The following SP4 variants were observed in gnomAD, a reference collection of about 807,000 sequenced individuals.
SP4 encodes Sp4 transcription factor, also known as transcription factor Sp4.
A neutral mutation model predicts 72.8 loss-of-function variants in SP4; 19 were observed. That is an observed-to-expected ratio of 0.26 (90% confidence interval 0.18 to 0.38). The LOEUF is 0.38. SP4 is among the 10% of genes least tolerant of loss of function. The probability of loss-of-function intolerance (pLI) is 1.00; values close to 1 mark genes in which losing one functional copy is unlikely to be tolerated. For synonymous variants in SP4, 395 were observed against 333.1 expected (o/e 1.19, Z -2.02); for missense variants, 1,008 against 926.3 (o/e 1.09, Z -1.14).
intron 3 of SP4, among the ~76,000 whole-genome samples, chr7:21,435,694 A>G (rs1372212394): frequency 2.0e-5 from 3 of 152,172 alleles, no homozygotes; most frequent in Non-Finnish European, 4.4e-5. Flanking sequence ...ACTGTTTGTT[A>G]TAGATTGGAA....
chr7:21,436,216 C>T (rs568481609), intron 3 of SP4, among the ~76,000 whole-genome samples: 2 of 152,086 alleles, frequency 1.3e-5, no homozygotes, highest in African/African-American at 4.8e-5. Flanking sequence ...GAGTTTTAAT[C>T]ATCTGCTTTT....
At chr7:21,482,243 A>G in intron 5 of SP4, 120 bp downstream of exon 5, 1 of 720,902 alleles carries the variant, frequency 1.4e-6, no homozygotes, top group Non-Finnish European at 2.3e-6. Context: ...CATTTACTTT[A>G]GCAATTATAT....
chr7:21,453,397 T>C (rs1159977761), intron 3 of SP4, among the ~76,000 whole-genome samples: 2 of 152,246 alleles, frequency 1.3e-5, no homozygotes, highest in Non-Finnish European at 2.9e-5. Flanking sequence ...ATAAAAAGTC[T>C]TAGGGCAGCC....
Position 21,429,758 on chromosome 7 carries a change from T to A in SP4, c.593T>A (p.Leu198His). 6.2e-7 allele frequency: 1 copy of A among 1,614,096 alleles called. No individual in the cohort carries two copies. Among genetic ancestry groups the A allele is most frequent in the Non-Finnish European group, 8.5e-7 (1 of 1,179,956 alleles). Residue 198 changes from leucine to histidine, a missense_variant, in exon 3 of 6, where the codon CTC (leucine) becomes CAC (histidine). Coordinates refer to ENST00000222584, the MANE Select transcript of SP4 (RefSeq NM_003112.5). Reference sequence around the variant, plus strand: ...CAGGATTTGCAGGGTCAAATTCAGCTCATTTCTGCAGGTAATAATCAAGCT... The same window carrying A: ...CAGGATTTGCAGGGTCAAATTCAGCACATTTCTGCAGGTAATAATCAAGCT... ...SLQDLQGQIQ[L>H]ISAGNNQAIL...
intron 3 of SP4, among the ~76,000 whole-genome samples, chr7:21,443,401 TAG>T (rs1783320360): frequency 6.6e-6 from 1 of 152,224 alleles, no homozygotes; most frequent in Non-Finnish European, 1.5e-5. Context: ...TATGTTTTGG[TAG>T]ACAGTTGAAG....
At chr7:21,493,435 A>T (rs1282279507) in intron 5 of SP4, among the ~76,000 whole-genome samples, 1 of 152,036 alleles carries the variant, frequency 6.6e-6, no homozygotes, top group Admixed American at 6.5e-5. Context: ...TTTTACTGGT[A>T]AAAAAAGAAA....
At chr7:21,472,264 A>T (rs1013716) in intron 3 of SP4, among the ~76,000 whole-genome samples, 117,230 of 151,974 alleles carry the variant, frequency 0.77, 46,213 homozygotes, top group African/African-American at 0.94. Context: ...TAGAGGGTGT[A>T]TTTTGTTTGA....
chr7:21,428,552 G>T, intron 1 of SP4, 125 bp from the exon 2 acceptor site: 1 of 1,026,818 alleles, frequency 9.7e-7, no homozygotes. Context: ...GCCGGTGTGC[G>T]TGGATCGCGG....
In SP4 at chr7:21,514,740, T is replaced by G. The variant is rs944355964; in HGVS notation, c.*3471T>G. On this transcript the variant is annotated 3_prime_UTR_variant, in exon 6 of 6. Coordinates refer to ENST00000222584, the MANE Select transcript of SP4 (RefSeq NM_003112.5). The stretch of plus-strand genomic sequence containing the variant: ...TGCAATAACAATTGCAAGTAACCTA[T>G]TAAAAATTCCCTTGAGTTTAACATG... 1 of 152,298 alleles carries G rather than the reference T, an allele frequency of 6.6e-6. No homozygotes were observed. Among genetic ancestry groups the G allele is most frequent in the Non-Finnish European group, 1.5e-5 (1 of 68,020 alleles). 9.4% of individuals were successfully genotyped at this position (152,298 alleles called of 1,614,324 possible).
At chr7:21,458,689 T>C (rs369218878) in intron 3 of SP4, among the ~76,000 whole-genome samples, 132 of 152,228 alleles carry the variant, frequency 8.7e-4, no homozygotes, top group Middle Eastern at 3.4e-3. Context: ...TTCACCTTAA[T>C]TGGAGGTGAA....
At chr7:21,489,409 C>A (rs992907117) in intron 5 of SP4, among the ~76,000 whole-genome samples, 1 of 152,054 alleles carries the variant, frequency 6.6e-6, no homozygotes, top group African/African-American at 2.4e-5. Flanking sequence ...CAGCCTTGAC[C>A]TCCTGGGCTC....
In SP4 at chr7:21,512,263, C is replaced by T. The variant is rs2128418272; in HGVS notation, c.*994C>T. On this transcript the variant is annotated 3_prime_UTR_variant, in exon 6 of 6. Transcript: ENST00000222584. ...CCAAAGAAAGAATTACACTTTTTTC[C>T]AAGGCCAGCAGAAAATTCTCTTTTA... 6.6e-6 allele frequency: 1 copy of T among 152,502 alleles called. No homozygotes were observed. Among genetic ancestry groups the T allele is most frequent in the East Asian group, 1.9e-4 (1 of 5,178 alleles). 9.4% of individuals were successfully genotyped at this position (152,502 alleles called of 1,614,324 possible).
At chr7:21,474,864 G>A (rs1359755205) in intron 3 of SP4, among the ~76,000 whole-genome samples, 2 of 152,200 alleles carry the variant, frequency 1.3e-5, no homozygotes, top group Non-Finnish European at 2.9e-5. Flanking sequence ...TACTAAAACA[G>A]TGACAAAATA....
At chr7:21,438,219 A>C (rs933115169) in intron 3 of SP4, among the ~76,000 whole-genome samples, 6 of 152,178 alleles carry the variant, frequency 3.9e-5, no homozygotes, top group Non-Finnish European at 8.8e-5. Flanking sequence ...TGCTTAAACT[A>C]TAAACTCTGA....
intron 3 of SP4, among the ~76,000 whole-genome samples, chr7:21,442,979 A>G (rs934162187): frequency 1.3e-5 from 2 of 152,192 alleles, no homozygotes; most frequent in Admixed American, 1.3e-4. Context: ...CAGGTGATCC[A>G]CCCACCTTGG....
intron 3 of SP4, among the ~76,000 whole-genome samples, chr7:21,466,425 C>CTAT (rs534058524): frequency 1.9e-3 from 282 of 152,300 alleles, no homozygotes; most frequent in Admixed American, 3.6e-3. Flanking sequence ...AAGACGTGTG[C>CTAT]TATATACACT....
At chr7:21,501,658 A>G (rs1286765884) in intron 5 of SP4, among the ~76,000 whole-genome samples, 1 of 152,186 alleles carries the variant, frequency 6.6e-6, no homozygotes, top group Non-Finnish European at 1.5e-5. Flanking sequence ...CTTCTAGCCA[A>G]CCCATAAATG....
chr7:21,428,178 C>CAG lies in SP4; in HGVS notation c.-74_-73insAG. 2 of 715,194 alleles carry CAG rather than the reference C, an allele frequency of 2.8e-6. No homozygotes were observed. Among genetic ancestry groups the CAG allele is most frequent in the East Asian group, 3.0e-5 (1 of 33,274 alleles). The allele number at this position is 715,194 out of a possible 1,614,324, so 44.3% of individuals were successfully genotyped here. ...CGCGGGCGGGCGGGACCGGCCTCTC[C>CAG]TCCCGCCTCGCCCCCACCCCCACCC... On this transcript the variant is annotated 5_prime_UTR_variant, in exon 1 of 6. Transcript: ENST00000222584.
Position 21,429,961 on chromosome 7 carries a change from C to G in SP4, c.796C>G (p.Leu266Val). 1.2e-6 allele frequency: 2 copies of G among 1,614,176 alleles called. No individual in the cohort carries two copies. Among genetic ancestry groups the G allele is most frequent in the Admixed American group, 1.7e-5 (1 of 60,030 alleles). ...ACCAATTAACATTGGAGGAGTGACT[C>G]TAGCTTTGCCAGTGATAAACAACGT... ...TLPINIGGVT[L>V]ALPVINNVAA... is the part of the protein sequence containing the mutation. The change falls in exon 3 of 6, where the codon CTA (leucine) becomes GTA (valine). Residue 266 changes from leucine to valine, a missense_variant. By Grantham distance (32) the Leu-to-Val change is conservative. Coordinates refer to ENST00000222584, the MANE Select transcript of SP4 (RefSeq NM_003112.5).
Sources: gnomAD v4.1 joint callset for allele counts (sites outside exome capture counted in the v4.1 genomes callset) on GRCh38, gnomAD v4.1.1 for gene constraint, MANE v1.5 for transcripts, NCBI Gene and HGNC (gene_info 2026-07-23, HGNC 2026-07-21) for gene names.